The following PIERCE2 variants were observed in gnomAD, a reference collection of about 807,000 sequenced individuals.
PIERCE2 encodes the protein piercer of microtubule wall 2 protein.
At chr15:55,416,798 AAAAT>A in the PIERCE2 span, among the ~76,000 whole-genome samples, 1 of 152,080 alleles carries the variant, frequency 6.6e-6, no homozygotes, top group Non-Finnish European at 1.5e-5. Flanking sequence ...GTCTCTACTA[AAAAT>A]AAAAAAAAAT....
chr15:55,411,327 G>A, the PIERCE2 span, among the ~76,000 whole-genome samples: 1 of 151,504 alleles, frequency 6.6e-6, no homozygotes, highest in African/African-American at 2.4e-5. Flanking sequence ...AGCCAGGTGT[G>A]TTGGCAGGCA....
At chr15:55,415,577 C>CA in the PIERCE2 span, among the ~76,000 whole-genome samples, 21 of 152,036 alleles carry the variant, frequency 1.4e-4, no homozygotes, top group Admixed American at 9.2e-4. Flanking sequence ...TAAGGGCTTA[C>CA]AACTCTAAGG....
At chr15:55,414,910 T>A in the PIERCE2 span, among the ~76,000 whole-genome samples, 19 of 152,146 alleles carry the variant, frequency 1.2e-4, no homozygotes, top group East Asian at 3.5e-3. Flanking sequence ...TGATTGTTCA[T>A]CTATTAACTT....
chr15:55,414,171 A>T, the PIERCE2 span, among the ~76,000 whole-genome samples: 1 of 150,614 alleles, frequency 6.6e-6, no homozygotes, highest in Admixed American at 6.6e-5. Context: ...TGCTGGGATT[A>T]CAAGCGTGAG....
At chr15:55,418,131 T>C in the PIERCE2 span, 1 of 1,575,492 alleles carries the variant, frequency 6.3e-7, no homozygotes, top group Non-Finnish European at 8.6e-7. Flanking sequence ...GAGAACAGAA[T>C]TCCTGAAAAA....
At chr15:55,410,001 G>A in the PIERCE2 span, among the ~76,000 whole-genome samples, 5 of 150,322 alleles carry the variant, frequency 3.3e-5, no homozygotes, top group African/African-American at 9.7e-5. Flanking sequence ...TATTTGTTTC[G>A]TTCTTAACTA....
chr15:55,409,162 T>A, the PIERCE2 span, among the ~76,000 whole-genome samples: 1 of 152,182 alleles, frequency 6.6e-6, no homozygotes. Flanking sequence ...TCCCAGCAAT[T>A]TGGGAGGCCG....
the PIERCE2 span, chr15:55,408,798 C>T: frequency 6.6e-7 from 1 of 1,517,752 alleles, no homozygotes; most frequent in South Asian, 1.2e-5. Context: ...TGAGTTTAGG[C>T]AGAGGGCTAG....
chr15:55,413,430 A>G, the PIERCE2 span, among the ~76,000 whole-genome samples: 1 of 152,024 alleles, frequency 6.6e-6, no homozygotes, highest in Non-Finnish European at 1.5e-5. Context: ...TCCCTTCTCC[A>G]CACCAAAACA....
At chr15:55,408,551 G>A in the PIERCE2 span, 1 of 398,618 alleles carries the variant, frequency 2.5e-6, no homozygotes, top group Non-Finnish European at 4.5e-6. Context: ...GTTACGAGTT[G>A]CAACCTCCAG....
At chr15:55,408,986 G>A in the PIERCE2 span, among the ~76,000 whole-genome samples, 1,652 of 152,268 alleles carry the variant, frequency 0.011, 13 homozygotes, top group Non-Finnish European at 0.014. Flanking sequence ...AGACCATCGA[G>A]ATTGTATGCA....
At chr15:55,414,002 A>G in the PIERCE2 span, among the ~76,000 whole-genome samples, 5 of 150,374 alleles carry the variant, frequency 3.3e-5, no homozygotes, top group African/African-American at 7.3e-5. Context: ...GGTTCACGCC[A>G]TTCTCCTGCC....
the PIERCE2 span, among the ~76,000 whole-genome samples, chr15:55,416,562 G>C: frequency 2.0e-5 from 3 of 152,078 alleles, no homozygotes; most frequent in African/African-American, 7.2e-5. Flanking sequence ...CCAAGTGTTT[G>C]TCCAGAAACC....
chr15:55,410,895 AT>A, the PIERCE2 span: 3 of 152,220 alleles, frequency 2.0e-5, no homozygotes, highest in Non-Finnish European at 2.9e-5. Context: ...AAATTTTAAA[AT>A]TCTTATGATT....
the PIERCE2 span, among the ~76,000 whole-genome samples, chr15:55,416,819 G>C: frequency 6.6e-6 from 1 of 152,032 alleles, no homozygotes; most frequent in Non-Finnish European, 1.5e-5. Flanking sequence ...AAATTAGCTG[G>C]TTGTCGTGGT....
chr15:55,414,826 C>T, the PIERCE2 span, among the ~76,000 whole-genome samples: 1 of 151,764 alleles, frequency 6.6e-6, no homozygotes, highest in South Asian at 2.1e-4. Flanking sequence ...TGCAGTGAGC[C>T]GAGATGGCGC....
chr15:55,408,811 G>A, the PIERCE2 span: 3 of 1,500,396 alleles, frequency 2.0e-6, no homozygotes, highest in Non-Finnish European at 2.7e-6. Flanking sequence ...AGGGCTAGAT[G>A]TTTGGGAATG....
the PIERCE2 span, among the ~76,000 whole-genome samples, chr15:55,411,949 A>C: frequency 6.6e-6 from 1 of 151,706 alleles, no homozygotes; most frequent in Non-Finnish European, 1.5e-5. Flanking sequence ...AATTTAGCTG[A>C]GCGTGGTGGC....
the PIERCE2 span, chr15:55,418,358 T>C: frequency 6.5e-7 from 1 of 1,538,482 alleles, no homozygotes; most frequent in Non-Finnish European, 8.8e-7. Context: ...CACCTCACTA[T>C]CAAAACCTCA....
Sources: allele counts gnomAD v4.1 joint callset (sites outside exome capture counted in the v4.1 genomes callset), GRCh38; gene constraint gnomAD v4.1.1; transcripts MANE v1.5; gene names NCBI Gene and HGNC (gene_info 2026-07-23, HGNC 2026-07-21).